XKR4: variants seen among roughly 807,000 people sequenced by gnomAD.
XKR4 encodes the protein XK-related protein 4.
XKR4 carries 12 observed loss-of-function variants against 53.9 expected under a neutral mutation model. The observed-to-expected ratio is 0.22, with a 90% confidence interval of 0.14 to 0.36. The LOEUF is 0.36. Among genes scored for constraint, XKR4 ranks in the 10% least tolerant of loss-of-function variants. The pLI is 1.00. For synonymous variants in XKR4, 354 were observed against 362.4 expected (o/e 0.98, Z 0.26); for missense variants, 799 against 859.5 (o/e 0.93, Z 0.88).
chr8:55,234,308 A>G (rs1818090009), intron 1 of XKR4, among the ~76,000 whole-genome samples: 1 of 152,198 alleles, frequency 6.6e-6, no homozygotes, highest in Admixed American at 6.5e-5. Flanking sequence ...TTTTTGCAAA[A>G]ATACATTGTT....
intron 2 of XKR4, among the ~76,000 whole-genome samples, chr8:55,498,639 A>G (rs962396671): frequency 4.3e-4 from 65 of 152,246 alleles, no homozygotes; most frequent in African/African-American, 1.4e-3. Flanking sequence ...TGGGGCCAGT[A>G]GCGTGTACCT....
intron 1 of XKR4, among the ~76,000 whole-genome samples, chr8:55,106,497 A>G (rs79259178): frequency 0.14 from 20,975 of 152,166 alleles, 1,831 homozygotes; most frequent in East Asian, 0.27. Context: ...CTGTGAATGA[A>G]TGCGAAAGTA....
intron 2 of XKR4, chr8:55,450,607 G>T: frequency 2.8e-6 from 2 of 716,130 alleles, no homozygotes; most frequent in South Asian, 2.9e-5. Context: ...ACTCCATGGG[G>T]AACTGCAGGT....
intron 2 of XKR4, among the ~76,000 whole-genome samples, chr8:55,496,631 G>T (rs1014837884): frequency 2.6e-5 from 4 of 152,188 alleles, no homozygotes; most frequent in Admixed American, 1.3e-4. Context: ...AGAAACTACA[G>T]TGAAAACCTA....
chr8:55,465,889 C>T (rs1196647013), intron 2 of XKR4, among the ~76,000 whole-genome samples: 2 of 152,102 alleles, frequency 1.3e-5, no homozygotes, highest in East Asian at 3.8e-4. Flanking sequence ...TGAAAAAATG[C>T]TCATCATCAC....
chr8:55,475,871 GA>G (rs1366999200), intron 2 of XKR4, among the ~76,000 whole-genome samples: 2 of 151,934 alleles, frequency 1.3e-5, no homozygotes, highest in Admixed American at 6.6e-5. Context: ...AAAGTGCTGG[GA>G]TTACAGGCAT....
rs184561873 is a variant in XKR4, at chr8:55,338,493, G to A, written c.807-19185G>A. ...GACACATGGAGACAGGATAGAGGGG[G>A]GCATTTATCCAATAACTCCTCCCAT... On this transcript the variant is annotated intron_variant, in intron 1 of 2. Coordinates refer to ENST00000327381, the MANE Select transcript of XKR4 (RefSeq NM_052898.2). 4.6e-5 allele frequency among the ~76,000 whole-genome samples: 7 copies of A among 152,274 alleles called. No homozygotes were observed. The East Asian group carries it at 1.2e-3, about 25-fold the overall frequency.
At chr8:55,124,598 C>T (rs1431494721) in intron 1 of XKR4, among the ~76,000 whole-genome samples, 3 of 152,138 alleles carry the variant, frequency 2.0e-5, no homozygotes, top group South Asian at 4.1e-4. Context: ...TCAGAGTAAG[C>T]GTTGAGCTTC....
intron 2 of XKR4, among the ~76,000 whole-genome samples, chr8:55,459,296 A>G (rs1260498421): frequency 6.6e-6 from 1 of 152,248 alleles, no homozygotes; most frequent in Non-Finnish European, 1.5e-5. Context: ...CATAGACCTA[A>G]ATGTAAGTAA....
At chr8:55,198,546 T>C (rs1817533870) in intron 1 of XKR4, among the ~76,000 whole-genome samples, 1 of 151,912 alleles carries the variant, frequency 6.6e-6, no homozygotes, top group East Asian at 1.9e-4. Flanking sequence ...TTTGTATAAC[T>C]GTAACTCATA....
chr8:55,433,491 GT>G (rs978716856), intron 2 of XKR4, among the ~76,000 whole-genome samples: 2 of 152,174 alleles, frequency 1.3e-5, no homozygotes, highest in African/African-American at 4.8e-5. Context: ...TTTAAGTGTA[GT>G]TTTCTTTTTA....
chr8:55,426,723 A>G (rs554789876), intron 2 of XKR4, among the ~76,000 whole-genome samples: 3 of 152,214 alleles, frequency 2.0e-5, no homozygotes, highest in Non-Finnish European at 4.4e-5. Context: ...ATTGAGCCGG[A>G]GGCAACTCAA....
chr8:55,421,101 A>C (rs1804922030), intron 2 of XKR4, among the ~76,000 whole-genome samples: 1 of 152,230 alleles, frequency 6.6e-6, no homozygotes, highest in Non-Finnish European at 1.5e-5. Flanking sequence ...AATTGAATTC[A>C]AGCCCTTGCT....
chr8:55,303,433 A>T (rs1819236616), intron 1 of XKR4, among the ~76,000 whole-genome samples: 1 of 152,302 alleles, frequency 6.6e-6, no homozygotes, highest in East Asian at 1.9e-4. Flanking sequence ...ATCAATGTTC[A>T]TCAAGGATAT....
chr8:55,267,731 A>G (rs576992320), intron 1 of XKR4, among the ~76,000 whole-genome samples: 25 of 152,258 alleles, frequency 1.6e-4, no homozygotes, highest in African/African-American at 5.5e-4. Flanking sequence ...ATAATTTTAC[A>G]ATTGACAAAA....
At chr8:55,150,706 T>A (rs1259467277) in intron 1 of XKR4, among the ~76,000 whole-genome samples, 1 of 152,166 alleles carries the variant, frequency 6.6e-6, no homozygotes, top group African/African-American at 2.4e-5. Flanking sequence ...CTTCTAAGCA[T>A]CTCTTATATA....
chr8:55,178,251 C>G (rs1007550409), intron 1 of XKR4, among the ~76,000 whole-genome samples: 4 of 152,156 alleles, frequency 2.6e-5, no homozygotes, highest in Admixed American at 6.5e-5. Flanking sequence ...CTCTCATTGT[C>G]TTGGTGAAGT....
chr8:55,247,031 A>G (rs1252626591), intron 1 of XKR4, among the ~76,000 whole-genome samples: 1 of 152,216 alleles, frequency 6.6e-6, no homozygotes. Flanking sequence ...AGGGAAAGAC[A>G]AGTGTACTCC....
chr8:55,370,507 G>A (rs1804056712), intron 2 of XKR4, among the ~76,000 whole-genome samples: 1 of 152,162 alleles, frequency 6.6e-6, no homozygotes, highest in Non-Finnish European at 1.5e-5. Flanking sequence ...ATCTTCATCA[G>A]AGACTTGATT....
Sources: allele counts gnomAD v4.1 joint callset (sites outside exome capture counted in the v4.1 genomes callset), GRCh38; gene constraint gnomAD v4.1.1; transcripts MANE v1.5; gene names NCBI Gene and HGNC (gene_info 2026-07-23, HGNC 2026-07-21).